Variants in LMX1B observed in about 807,000 individuals in gnomAD.
LMX1B encodes the protein LIM homeobox transcription factor 1-beta.
In LMX1B, 12 loss-of-function variants were observed where a neutral mutation model predicts 51.4. That is an observed-to-expected ratio of 0.23 (90% CI 0.15 to 0.38). LMX1B has a LOEUF of 0.38. Ranked by LOEUF, LMX1B falls within the 10% of genes least tolerant of loss-of-function variation. The pLI is 1.00. For missense variants in LMX1B, 445 were observed against 571.1 expected, an observed-to-expected ratio of 0.78 and a Z score of 2.25; for synonymous variants, 237 against 235.4, an observed-to-expected ratio of 1.01 and a Z score of -0.06.
chr9:126,621,542 TCGA>T (rs1422317925), intron 2 of LMX1B, among the ~76,000 whole-genome samples: 1 of 152,202 alleles, frequency 6.6e-6, no homozygotes, highest in African/African-American at 2.4e-5. Context: ...TGCCATTTCA[TCGA>T]CCGGCTGGTG....
At chr9:126,657,477 A>G (rs769656975) in intron 2 of LMX1B, among the ~76,000 whole-genome samples, 1 of 152,158 alleles carries the variant, frequency 6.6e-6, no homozygotes, top group South Asian at 2.1e-4. Flanking sequence ...TTCCAGGATC[A>G]CCTTATCCTT....
chr9:126,661,882 G>A (rs540560769), intron 2 of LMX1B, among the ~76,000 whole-genome samples: 24 of 152,190 alleles, frequency 1.6e-4, no homozygotes, highest in Middle Eastern at 3.2e-3. Flanking sequence ...GCCCTCAGCC[G>A]CCTCAATCAG....
intron 2 of LMX1B, among the ~76,000 whole-genome samples, chr9:126,630,096 A>C (rs574906806): frequency 7.0e-6 from 1 of 142,162 alleles, no homozygotes; most frequent in South Asian, 2.2e-4. Context: ...CGGGAGACGG[A>C]GCTTGCAGTG....
chr9:126,659,896 C>G (rs555694823), intron 2 of LMX1B, among the ~76,000 whole-genome samples: 1 of 151,264 alleles, frequency 6.6e-6, no homozygotes, highest in African/African-American at 2.4e-5. Context: ...GGTGCCTACA[C>G]TGGTCTTAGA....
At chr9:126,653,590 G>A (rs185264288) in intron 2 of LMX1B, among the ~76,000 whole-genome samples, 7 of 152,290 alleles carry the variant, frequency 4.6e-5, no homozygotes, top group East Asian at 1.9e-4. Context: ...CAGCTAGGAC[G>A]TCCACGTCAA....
chr9:126,620,376 T>A (rs1835384816), intron 2 of LMX1B, among the ~76,000 whole-genome samples: 1 of 152,188 alleles, frequency 6.6e-6, no homozygotes, highest in Non-Finnish European at 1.5e-5. Context: ...TGGGGCCTCA[T>A]CAACAAACTG....
At chr9:126,632,457 C>T (rs567885431) in intron 2 of LMX1B, among the ~76,000 whole-genome samples, 6 of 152,094 alleles carry the variant, frequency 3.9e-5, no homozygotes, top group Non-Finnish European at 4.4e-5. Context: ...GGCTGCAGAG[C>T]AGGGCAGGAG....
rs1427634938 is a variant in LMX1B, at chr9:126,671,659, TGA to T, written c.327-19173_327-19172del. Among the ~76,000 whole-genome samples the T allele has an allele frequency of 2.0e-5, 3 of 152,158 alleles. No individual in the cohort carries two copies. The highest frequency in any genetic ancestry group is 7.2e-5 in the African/African-American group (3 of 41,450). On this transcript the variant is annotated intron_variant, in intron 2 of 7. Coordinates refer to ENST00000373474, the MANE Select transcript of LMX1B (RefSeq NM_001174147.2). This position sits in a 1 kb window ranked among gnomAD's most constrained non-coding sequence, Gnocchi z 4.4. ...TTTGAAAGATAGGCGCACCCCGGGATGAGAGGTCAGCGGGCCTGCCCTGTGCC... is the reference window on the plus strand; with the variant it reads ...TTTGAAAGATAGGCGCACCCCGGGATGAGGTCAGCGGGCCTGCCCTGTGCC...
At chr9:126,632,819 C>T (rs1265235616) in intron 2 of LMX1B, among the ~76,000 whole-genome samples, 1 of 152,190 alleles carries the variant, frequency 6.6e-6, no homozygotes, top group Non-Finnish European at 1.5e-5. Context: ...CTGGAAGAGC[C>T]GGCTTGACCT....
chr9:126,654,709 A>G (rs1407616071), intron 2 of LMX1B, among the ~76,000 whole-genome samples: 2 of 152,312 alleles, frequency 1.3e-5, no homozygotes, highest in East Asian at 1.9e-4. Flanking sequence ...ACGAGGAGCA[A>G]CTGCTGAGTG....
Position 126,697,776 on chromosome 9 carries a change from A to C in LMX1B, c.*1325A>C, listed in dbSNP as rs1488605839. ...TGCTGTAGCTAAATCCCTGGGCCCC[A>C]CACGCAAGTGACAGCTAAGCCACAT... On this transcript the variant is annotated 3_prime_UTR_variant, in exon 8 of 8. Transcript: ENST00000373474. 1 of 152,576 alleles carries C rather than the reference A, an allele frequency of 6.6e-6. No individual in the cohort carries two copies. The allele number at this position is 152,576 out of a possible 1,614,324, so 9.5% of individuals were successfully genotyped here. A position where few individuals can be genotyped will look rare whatever the true frequency, so the allele number is the denominator to read the frequency against.
At chr9:126,651,300 G>T (rs932274715) in intron 2 of LMX1B, among the ~76,000 whole-genome samples, 2 of 152,062 alleles carry the variant, frequency 1.3e-5, no homozygotes, top group Non-Finnish European at 2.9e-5. Context: ...GAGGGACTGG[G>T]GGGGGTGGCT....
chr9:126,667,909 C>G (rs1359820176), intron 2 of LMX1B, among the ~76,000 whole-genome samples: 1 of 152,162 alleles, frequency 6.6e-6, no homozygotes, highest in South Asian at 2.1e-4. Context: ...ACGAGACACT[C>G]GGGTCTGGAA....
At chr9:126,633,580 G>C (rs1160258906) in intron 2 of LMX1B, among the ~76,000 whole-genome samples, 1 of 152,106 alleles carries the variant, frequency 6.6e-6, no homozygotes, top group African/African-American at 2.4e-5. Context: ...GGACATGGGG[G>C]CCAGGCTGGG....
intron 2 of LMX1B, among the ~76,000 whole-genome samples, chr9:126,619,096 T>G (rs1304509312): frequency 6.6e-6 from 1 of 152,182 alleles, no homozygotes; most frequent in East Asian, 1.9e-4. Context: ...TGTGCCTACG[T>G]TGGCAGCAGG....
At position 126,625,523 on chromosome 9, in the gene LMX1B, G is replaced by A. The variant is rs1369316369; in HGVS notation, c.326+9954G>A. On this transcript the variant is annotated intron_variant, in intron 2 of 7. Transcript: ENST00000373474. This position sits in a 1 kb window ranked among gnomAD's most constrained non-coding sequence, Gnocchi z 5.3. ...ATGGAGATGCCAGGCTGGGGCCCTC[G>A]GCGGGGCAGATTTCGTTGGATCCCT... Among the ~76,000 whole-genome samples, 1 of 152,210 alleles carries A rather than the reference G, an allele frequency of 6.6e-6. No homozygotes were observed. Among genetic ancestry groups the A allele is most frequent in the Non-Finnish European group, 1.5e-5 (1 of 68,040 alleles).
At chr9:126,674,659 C>T (rs889666876) in intron 2 of LMX1B, among the ~76,000 whole-genome samples, 1 of 152,202 alleles carries the variant, frequency 6.6e-6, no homozygotes, top group Non-Finnish European at 1.5e-5. Flanking sequence ...CCCCCATCCA[C>T]GTCCACCAGG....
intron 2 of LMX1B, among the ~76,000 whole-genome samples, chr9:126,645,868 G>A (rs1341274085): frequency 1.3e-5 from 2 of 152,172 alleles, no homozygotes; most frequent in African/African-American, 4.8e-5. Flanking sequence ...CTTTGTGGAG[G>A]ATGGGGTGGG....
At position 126,614,546 on chromosome 9, in the gene LMX1B, C is replaced by G; in HGVS notation, c.97C>G (p.His33Asp). Residue 33 changes from histidine to aspartate, a missense_variant, in exon 1 of 8, where the codon CAC becomes GAC. His to Asp is a moderately conservative substitution (Grantham distance 81). Coordinates refer to ENST00000373474, the MANE Select transcript of LMX1B (RefSeq NM_001174147.2). ...GTTGGACGGCATCAAGATGGAGGAG[C>G]ACGCCCTGCGCCCCGGGCCCGCCAC... ...KMLDGIKMEEHALRPGPATLG... is the reference protein window; with the variant it reads ...KMLDGIKMEEDALRPGPATLG... 1 of 1,599,914 alleles carries G rather than the reference C, an allele frequency of 6.3e-7. No homozygotes were observed. Among genetic ancestry groups the G allele is most frequent in the Non-Finnish European group, 8.5e-7 (1 of 1,174,140 alleles).
Sources: allele counts gnomAD v4.1 joint callset (sites outside exome capture counted in the v4.1 genomes callset), GRCh38; gene constraint gnomAD v4.1.1; non-coding constraint Gnocchi (gnomAD v3.1); transcripts MANE v1.5; gene names NCBI Gene and HGNC (gene_info 2026-07-23, HGNC 2026-07-21).